SERPINB8: variants seen among roughly 807,000 people sequenced by gnomAD.
The protein encoded by SERPINB8 is serpin B8.
A neutral mutation model predicts 35.3 loss-of-function variants in SERPINB8; 25 were observed. The ratio of observed to expected loss-of-function variants is 0.71; its 90% CI spans 0.52 to 0.99. The LOEUF (loss-of-function observed/expected upper bound fraction) is 0.99, where lower values mean the gene tolerates loss of function less well. Ranked by LOEUF, SERPINB8 falls within the 50% of genes least tolerant of loss-of-function variation. SERPINB8 has a pLI of 0.00. For synonymous variants in SERPINB8, 186 were observed against 160.8 expected, an observed-to-expected ratio of 1.16 and a Z score of -1.19; for missense variants, 484 against 446.5, an observed-to-expected ratio of 1.08 and a Z score of -0.76.
chr18:63,972,720 A>G (rs2050507991), intron 1 of SERPINB8, among the ~76,000 whole-genome samples: 2 of 131,030 alleles, frequency 1.5e-5, no homozygotes, highest in Admixed American at 9.9e-5. Context: ...GTTCCCACCT[A>G]TGAGTGAGAA....
intron 2 of SERPINB8, 148 bp from the exon 3 acceptor site, chr18:63,979,653 G>C: frequency 1.1e-6 from 1 of 895,936 alleles, no homozygotes; most frequent in Non-Finnish European, 1.7e-6. Flanking sequence ...CATTGCCCAC[G>C]TTGAGAAACC....
At chr18:63,994,087 G>T, downstream of SERPINB8, among the ~76,000 whole-genome samples, 1 of 151,902 alleles carries the variant, frequency 6.6e-6, no homozygotes, top group Non-Finnish European at 1.5e-5. Flanking sequence ...CTTGGCTCCT[G>T]GGTCCACAAA....
At chr18:64,010,607 G>A (rs2050921774), downstream of SERPINB8, among the ~76,000 whole-genome samples, 1 of 152,018 alleles carries the variant, frequency 6.6e-6, no homozygotes, top group African/African-American at 2.4e-5. Flanking sequence ...AATACTGTTG[G>A]GAGGTTGTAC....
intron 4 of SERPINB8, among the ~76,000 whole-genome samples, chr18:63,982,758 T>C (rs889946490): frequency 2.6e-5 from 4 of 152,108 alleles, no homozygotes; most frequent in Non-Finnish European, 5.9e-5. Flanking sequence ...CCTATACCTG[T>C]CACTGCTCTT....
rs181662246 is a variant in SERPINB8 at position 63,978,270 on chromosome 18, T to G, written c.-10-29T>G. ...TGGCTACCGGAGTCATTGGCTTATG[T>G]GCTTTTCCCTGCTGTGCCTTTGATG... is the stretch of plus-strand genomic sequence containing the variant. On this transcript the variant is annotated intron_variant, in intron 1 of 6. Coordinates refer to ENST00000397985, the MANE Select transcript of SERPINB8 (RefSeq NM_002640.4). 309 of 1,613,718 alleles carry G rather than the reference T, an allele frequency of 1.9e-4. 1 individual carries two copies. In the African/African-American group the frequency reaches 3.4e-3, roughly 18 times the overall value.
chr18:64,001,313 A>G (rs2050873100), intron 1 of SERPINB8, among the ~76,000 whole-genome samples: 1 of 152,178 alleles, frequency 6.6e-6, no homozygotes, highest in African/African-American at 2.4e-5. Flanking sequence ...GAATATACTA[A>G]AAATCACTGC....
chr18:63,986,724 G>A (rs1437317293), intron 6 of SERPINB8, 150 bp from the exon 7 acceptor site: 3 of 1,402,168 alleles, frequency 2.1e-6, no homozygotes, highest in Non-Finnish European at 2.8e-6. Context: ...AGAAAATCTT[G>A]GTGTGTTTAT....
At chr18:63,980,496 G>A (rs1247825516) in intron 3 of SERPINB8, among the ~76,000 whole-genome samples, 1 of 151,980 alleles carries the variant, frequency 6.6e-6, no homozygotes, top group Non-Finnish European at 1.5e-5. Context: ...GCAGGGTGAT[G>A]TTGTCTTAAA....
chr18:63,987,333 T>C lies in SERPINB8; in HGVS notation c.*55T>C, dbSNP rs1179213344. 2.0e-6 allele frequency: 3 copies of C among 1,532,702 alleles called. No individual in the cohort carries two copies. Among genetic ancestry groups the C allele is most frequent in the East Asian group, 4.5e-5 (2 of 44,268 alleles). The allele number at this position is 1,532,702 out of a possible 1,614,324, so 94.9% of individuals were successfully genotyped here. On this transcript the variant is annotated 3_prime_UTR_variant, in exon 7 of 7. Transcript: ENST00000397985. ...TTCCTTCTACCTATCTTGCCTTAAT[T>C]AACATTCCCTGTGACCTAGTTGGTG... is the stretch of plus-strand genomic sequence containing the variant.
chr18:63,993,081 G>T (rs1303856086), downstream of SERPINB8, among the ~76,000 whole-genome samples: 1 of 152,154 alleles, frequency 6.6e-6, no homozygotes, highest in Non-Finnish European at 1.5e-5. Flanking sequence ...GTGGAATGCT[G>T]AGTTGGTCAT....
intron 1 of SERPINB8, among the ~76,000 whole-genome samples, chr18:63,976,337 AT>A (rs1405976743): frequency 1.3e-5 from 2 of 152,236 alleles, no homozygotes; most frequent in African/African-American, 4.8e-5. Flanking sequence ...ATAAACAACA[AT>A]GTAGGACTTA....
intron 7 of SERPINB8, among the ~76,000 whole-genome samples, chr18:64,016,877 G>T (rs188297568): frequency 6.6e-6 from 1 of 152,286 alleles, no homozygotes; most frequent in Non-Finnish European, 1.5e-5. Flanking sequence ...TGCATTATTA[G>T]AAGTAGTAAC....
chr18:63,991,460 C>A (rs2050824650), downstream of SERPINB8, among the ~76,000 whole-genome samples: 2 of 152,012 alleles, frequency 1.3e-5, no homozygotes, highest in Admixed American at 6.6e-5. Context: ...TAAGTATATT[C>A]TATTTTGTGC....
rs985434924 is a variant in SERPINB8 at position 63,989,366 on chromosome 18, A to G, written c.*2088A>G. 2.0e-5 allele frequency: 3 copies of G among 152,194 alleles called. No individual in the cohort carries two copies. Among genetic ancestry groups the G allele is most frequent in the African/African-American group, 7.2e-5 (3 of 41,448 alleles). The allele number at this position is 152,194 out of a possible 1,614,324, so 9.4% of individuals were successfully genotyped here. ...GAAAATAAAGTTTTTATGAATATTT[A>G]TATATATACATCTTTGTATGGACAT... On this transcript the variant is annotated 3_prime_UTR_variant, in exon 7 of 7. Coordinates refer to ENST00000397985, the MANE Select transcript of SERPINB8 (RefSeq NM_002640.4).
chr18:63,982,578 C>G (rs1389257747), intron 4 of SERPINB8, among the ~76,000 whole-genome samples: 2 of 152,178 alleles, frequency 1.3e-5, no homozygotes, highest in East Asian at 1.9e-4. Context: ...CACTGTGTGT[C>G]CAGCAGAAGT....
Position 63,979,902 on chromosome 18 carries a change from C to T in SERPINB8, c.270C>T (p.Asn90=). 6.2e-7 allele frequency: 1 copy of T among 1,614,140 alleles called. No homozygotes were observed. The highest frequency in any genetic ancestry group is 8.5e-7 in the Non-Finnish European group (1 of 1,179,990). Reference sequence around the variant, plus strand: ...CTCAGTACTTGCTTAGAACTGCCAACAGACTCTTTGGAGAAAAGACGTGTG... The same window carrying T: ...CTCAGTACTTGCTTAGAACTGCCAATAGACTCTTTGGAGAAAAGACGTGTG... The part of the protein sequence containing the change: ...TGTQYLLRTA[N]RLFGEKTCDF... The change falls in exon 3 of 7, where the codon AAC becomes AAT. Residue 90 remains asparagine (N), a synonymous_variant. Transcript: ENST00000397985.
At chr18:64,008,266 A>G (rs1213512040), downstream of SERPINB8, among the ~76,000 whole-genome samples, 1 of 152,108 alleles carries the variant, frequency 6.6e-6, no homozygotes, top group Non-Finnish European at 1.5e-5. Context: ...TTTTTGACAC[A>G]GAGTCTCGCT....
chr18:63,993,356 T>C (rs188667772), downstream of SERPINB8, among the ~76,000 whole-genome samples: 1 of 152,246 alleles, frequency 6.6e-6, no homozygotes, highest in Admixed American at 6.5e-5. Context: ...CCAGTTTTGA[T>C]GATTTCCAAA....
intron 6 of SERPINB8, chr18:63,986,375 G>A (rs2050754581): frequency 1.3e-6 from 2 of 1,565,732 alleles, no homozygotes; most frequent in Non-Finnish European, 1.7e-6. Context: ...CCCTTCTCAT[G>A]CCTCCCTTCA....
Sources: gnomAD v4.1 joint callset for allele counts (sites outside exome capture counted in the v4.1 genomes callset) on GRCh38, gnomAD v4.1.1 for gene constraint, MANE v1.5 for transcripts, NCBI Gene and HGNC (gene_info 2026-07-23, HGNC 2026-07-21) for gene names.